The following CD163 variants were observed in gnomAD, a reference collection of about 807,000 sequenced individuals.
CD163 encodes the protein scavenger receptor cysteine-rich type 1 protein M130.
In CD163, 64 loss-of-function variants were observed where a neutral mutation model predicts 129.2. That is an observed-to-expected ratio of 0.50 (90% CI 0.41 to 0.61). The LOEUF (loss-of-function observed/expected upper bound fraction) is 0.61. CD163 is among the 20% of genes least tolerant of loss of function. The probability of loss-of-function intolerance (pLI) is 0.00; values close to 1 mark genes in which losing one functional copy is unlikely to be tolerated. For missense variants in CD163, 1,061 were observed against 1,377.9 expected, an observed-to-expected ratio of 0.77 and a Z score of 3.64; for synonymous variants, 446 against 478.5, an observed-to-expected ratio of 0.93 and a Z score of 0.89.
At chr12:7,499,756 A>G (rs1949453435) in intron 3 of CD163, among the ~76,000 whole-genome samples, 1 of 152,168 alleles carries the variant, frequency 6.6e-6, no homozygotes, top group Non-Finnish European at 1.5e-5. Context: ...CATAGTGGTT[A>G]AAAATAAGAG....
chr12:7,502,473 C>G lies in CD163; in HGVS notation c.133+5G>C. On this transcript the variant is annotated splice_donor_5th_base_variant and intron_variant, in intron 2 of 16. Transcript: ENST00000432237. ...GGCTGTAAGTAAATTTGACAAAGTA[C>G]TCACCAAGAGAACTGGTGACAAAAC... is the stretch of plus-strand genomic sequence containing the variant. 1 of 1,559,210 alleles carries G rather than the reference C, an allele frequency of 6.4e-7. No individual in the cohort carries two copies. Among genetic ancestry groups the G allele is most frequent in the South Asian group, 1.1e-5 (1 of 90,034 alleles).
In CD163 at chr12:7,482,963, T is replaced by C; in HGVS notation, c.3127+3A>G. ...TCTCATCATCATAAACTCCATGATA[T>C]ACCTGTTGTGGCTTTTTGTGGGGTT... On this transcript the variant is annotated splice_donor_region_variant and intron_variant, in intron 13 of 16. Transcript: ENST00000432237. 1 of 1,613,768 alleles carries C rather than the reference T, an allele frequency of 6.2e-7. No individual in the cohort carries two copies.
At chr12:7,486,865 A>G (rs1231889786) in intron 9 of CD163, 29 bp downstream of exon 9, 4 of 1,606,290 alleles carry the variant, frequency 2.5e-6, no homozygotes, top group Non-Finnish European at 3.4e-6. Context: ...TGTTATTAAT[A>G]TTTTCATAGA....
At chr12:7,472,844 T>G (rs1411253354) in intron 16 of CD163, among the ~76,000 whole-genome samples, 1 of 152,170 alleles carries the variant, frequency 6.6e-6, no homozygotes. Context: ...TTACAGGAAC[T>G]GCTAACTAGA....
At chr12:7,484,873 GAAT>G in intron 11 of CD163, among the ~76,000 whole-genome samples, 1 of 152,214 alleles carries the variant, frequency 6.6e-6, no homozygotes, top group East Asian at 1.9e-4. Context: ...ATATTCTTTA[GAAT>G]AATAATAGCT....
rs751199957 is a variant in CD163 at position 7,499,031 on chromosome 12, A to C, written c.615T>G (p.Ala205=). ...AATTAGATGAACCAGAGAAACTGAC[A>C]GCACTTCCACATTCAAGTTGTCTAC... ...VICRQLECGS[A]VSFSGSSNFG... Residue 205 remains alanine, a synonymous_variant, in exon 4 of 17, where the codon GCT becomes GCG. Coordinates refer to ENST00000432237, the MANE Select transcript of CD163 (RefSeq NM_203416.4). 1 of 1,614,222 alleles carries C rather than the reference A, an allele frequency of 6.2e-7. No homozygotes were observed. Among genetic ancestry groups the C allele is most frequent in the East Asian group, 2.2e-5 (1 of 44,880 alleles).
chr12:7,501,480 G>A lies in CD163; in HGVS notation c.134-18C>T. ...TGTTCCTCCTGCAACAATGGATTAA[G>A]ACAGTAATTGGCCAAGGTCGCAAAG... On this transcript the variant is annotated intron_variant, in intron 2 of 16. Coordinates refer to ENST00000432237, the MANE Select transcript of CD163 (RefSeq NM_203416.4). 6.3e-7 allele frequency: 1 copy of A among 1,597,662 alleles called. No homozygotes were observed. Among genetic ancestry groups the A allele is most frequent in the Non-Finnish European group, 8.6e-7 (1 of 1,165,690 alleles).
At chr12:7,502,081 T>C (rs1199972943) in intron 2 of CD163, among the ~76,000 whole-genome samples, 1 of 152,212 alleles carries the variant, frequency 6.6e-6, no homozygotes, top group Non-Finnish European at 1.5e-5. Flanking sequence ...TAGCTTTATG[T>C]AGGAATCTGG....
rs747445161 is a variant in CD163, at chr12:7,485,354, C to T, written c.2521G>A (p.Val841Ile). Residue 841 changes from valine to isoleucine, a missense_variant, in exon 11 of 17, where the codon GTT (valine) becomes ATT (isoleucine). Transcript: ENST00000432237. The surrounding 1 kb of genome is among the most constrained non-coding windows in gnomAD (Gnocchi z 4.5). The stretch of plus-strand genomic sequence containing the variant: ...GTGCCCCAAGCTCCATTGTAAAAAA[C>T]TTCCAGACGCCCTGCACAGGCCTCT... ...SREACAGRLE[V>I]FYNGAWGTVG... 1 of 1,614,212 alleles carries T rather than the reference C, an allele frequency of 6.2e-7. No homozygotes were observed. Among genetic ancestry groups the T allele is most frequent in the African/African-American group, 1.3e-5 (1 of 75,064 alleles).
chr12:7,493,346 G>A (rs1260360115), intron 6 of CD163, among the ~76,000 whole-genome samples: 2 of 152,118 alleles, frequency 1.3e-5, no homozygotes, highest in East Asian at 3.9e-4. Context: ...CCAGCACTTC[G>A]TCTACCAGAT....
intron 16 of CD163, among the ~76,000 whole-genome samples, chr12:7,475,362 C>T (rs1474794094): frequency 6.6e-6 from 1 of 152,134 alleles, no homozygotes; most frequent in Non-Finnish European, 1.5e-5. Context: ...CAAACCAAAT[C>T]CAGCAGTACA....
chr12:7,483,720 G>T, intron 11 of CD163, 45 bp from the exon 12 acceptor site: 2 of 1,306,376 alleles, frequency 1.5e-6, no homozygotes, highest in Non-Finnish European at 2.1e-6. Context: ...ACTTCTAAAA[G>T]TTTCCAGGAG....
intron 6 of CD163, among the ~76,000 whole-genome samples, chr12:7,494,313 A>G (rs1253492303): frequency 1.3e-5 from 2 of 152,158 alleles, no homozygotes; most frequent in African/African-American, 4.8e-5. Context: ...CCTTTTTTCA[A>G]TCGGAGGATA....
chr12:7,498,152 G>C lies in CD163; in HGVS notation c.778+716C>G, dbSNP rs865952322. Among the ~76,000 whole-genome samples, 166 of 144,532 alleles carry C rather than the reference G, an allele frequency of 1.1e-3. No individual in the cohort carries two copies. The Middle Eastern group carries it at 0.014, about 12-fold the overall frequency. 94.8% of individuals were successfully genotyped at this position (144,532 alleles called of 152,430 possible). A position where few individuals can be genotyped will look rare whatever the true frequency, so the allele number is the denominator to read the frequency against. ...ACACACACACACACACACACAGAGA[G>C]AGAGAGAGAGAGAGAGAAAGGGATC... On this transcript the variant is annotated intron_variant, in intron 4 of 16. Transcript: ENST00000432237.
intron 16 of CD163, among the ~76,000 whole-genome samples, chr12:7,474,730 GCAAAAC>G (rs1261250130): frequency 1.3e-5 from 2 of 152,028 alleles, no homozygotes; most frequent in East Asian, 3.9e-4. Context: ...TAAGATCAGA[GCAAAAC>G]CAAAGGAGAT....
At chr12:7,483,811 T>TTATATATATATGTATATATATA (rs1555076495) in intron 11 of CD163, 136 bp from the exon 12 acceptor site, 3 of 128,896 alleles carry the variant, frequency 2.3e-5, no homozygotes, top group African/African-American at 9.7e-5. Context: ...ATATTAAAAT[T>TTATATATATATGTATATATATA]TATATATATA....
rs1455682809 is a variant in CD163, at chr12:7,503,631, T to C, written c.46+14A>G. The C allele has an allele frequency of 7.0e-6, 11 of 1,571,750 alleles. No individual in the cohort carries two copies. Among genetic ancestry groups the C allele is most frequent in the East Asian group, 6.7e-5 (3 of 44,524 alleles). ...CATTAAAGGGGAAATGTAGAATAAA[T>C]GAGAAGCTTTTACCAGCAGATCCAG... On this transcript the variant is annotated intron_variant, in intron 1 of 16. Coordinates refer to ENST00000432237, the MANE Select transcript of CD163 (RefSeq NM_203416.4).
Position 7,481,194 on chromosome 12 carries a change from T to A in CD163, c.3310A>T (p.Asn1104Tyr), listed in dbSNP as rs138074147. 8.0e-4 allele frequency: 1,293 copies of A among 1,613,902 alleles called. 2 individuals are homozygous for A. Among genetic ancestry groups the A allele is most frequent in the Non-Finnish European group, 1.1e-3 (1,242 of 1,179,846 alleles). ...IQYREMNSCL[N>Y]ADDLDLMNSS... ...TTCATTAGGTCCAGATCATCTGCAT[T>A]CAGGCAAGAATTCATCTCCCGGTAT... Residue 1104 changes from asparagine (N) to tyrosine (Y), a missense_variant, in exon 15 of 17, where the codon AAT becomes TAT. By Grantham distance (143) the Asn-to-Tyr change is moderately radical. Coordinates refer to ENST00000432237, the MANE Select transcript of CD163 (RefSeq NM_203416.4).
chr12:7,482,520 G>T, intron 14 of CD163, 123 bp downstream of exon 14: 1 of 1,108,798 alleles, frequency 9.0e-7, no homozygotes, highest in Non-Finnish European at 1.3e-6. Flanking sequence ...TCTGTTTTGA[G>T]AAACTGCTCA....
Sources: gnomAD v4.1 joint callset for allele counts (sites outside exome capture counted in the v4.1 genomes callset) on GRCh38, gnomAD v4.1.1 for gene constraint, Gnocchi (gnomAD v3.1) non-coding constraint, MANE v1.5 for transcripts, NCBI Gene and HGNC (gene_info 2026-07-23, HGNC 2026-07-21) for gene names.